LCOR: variants seen among roughly 807,000 people sequenced by gnomAD.
LCOR encodes ligand-dependent corepressor.
A neutral mutation model predicts 64.4 loss-of-function variants in LCOR; 14 were observed. The observed-to-expected ratio is 0.22, with a 90% CI of 0.14 to 0.34. The LOEUF (loss-of-function observed/expected upper bound fraction) is 0.34. Among genes scored for constraint, LCOR ranks in the 10% least tolerant of loss-of-function variants. The pLI is 1.00. For synonymous variants in LCOR, 643 were observed against 642.5 expected, an observed-to-expected ratio of 1.00 and a Z score of -0.01; for missense variants, 1,686 against 1,765.3, an observed-to-expected ratio of 0.96 and a Z score of 0.80.
intron 2 of LCOR, among the ~76,000 whole-genome samples, chr10:96,863,213 T>TA (rs745812765): frequency 6.7e-4 from 101 of 149,868 alleles, no homozygotes; most frequent in Non-Finnish European, 1.2e-3. Context: ...TCTGTTTTTT[T>TA]TTTTTTTTGT....
chr10:96,850,161 A>C (rs949089504), intron 2 of LCOR, among the ~76,000 whole-genome samples: 1 of 152,332 alleles, frequency 6.6e-6, no homozygotes, highest in East Asian at 1.9e-4. Flanking sequence ...AAAGCACTGC[A>C]TGAAGCTGAA....
At chr10:96,847,378 T>A (rs1845647568) in intron 2 of LCOR, among the ~76,000 whole-genome samples, 1 of 151,438 alleles carries the variant, frequency 6.6e-6, no homozygotes, top group Non-Finnish European at 1.5e-5. Context: ...ACGGTAACAG[T>A]CCTGAATGAG....
At chr10:96,966,805 G>A (rs1847955305) in intron 7 of LCOR, among the ~76,000 whole-genome samples, 1 of 152,138 alleles carries the variant, frequency 6.6e-6, no homozygotes, top group Non-Finnish European at 1.5e-5. Flanking sequence ...GCATGATCAC[G>A]GTTCACTGCA....
intron 2 of LCOR, among the ~76,000 whole-genome samples, chr10:96,897,121 A>G (rs1846553116): frequency 6.7e-6 from 1 of 149,288 alleles, no homozygotes; most frequent in Admixed American, 6.7e-5. Context: ...AAAAAAACCC[A>G]AAAGAATGCT....
intron 1 of LCOR, 128 bp downstream of exon 1, chr10:96,832,527 C>T (rs1214860836): frequency 2.0e-5 from 4 of 198,910 alleles, no homozygotes; most frequent in Non-Finnish European, 3.6e-5. Flanking sequence ...CTCGAGCGTC[C>T]CCCCTTCCCC....
chr10:96,957,302 C>T (rs866724478), intron 7 of LCOR: 6 of 985,024 alleles, frequency 6.1e-6, no homozygotes, highest in Middle Eastern at 5.2e-4. Context: ...CAGTTCAGGA[C>T]CTTTGAGATC....
intron 7 of LCOR, chr10:96,964,075 A>G (rs966045799): frequency 1.3e-5 from 2 of 152,118 alleles, no homozygotes; most frequent in African/African-American, 4.8e-5. Context: ...GTTCCTTGCT[A>G]TGATCAATGT....
intron 2 of LCOR, among the ~76,000 whole-genome samples, chr10:96,839,315 A>G (rs1845498468): frequency 6.6e-6 from 1 of 152,242 alleles, no homozygotes; most frequent in Non-Finnish European, 1.5e-5. Context: ...AAGAACAAAT[A>G]CAGATCAATA....
intron 2 of LCOR, among the ~76,000 whole-genome samples, chr10:96,897,454 T>C (rs1278595096): frequency 2.0e-5 from 3 of 152,234 alleles, no homozygotes; most frequent in Admixed American, 1.3e-4. Flanking sequence ...TAAGCATGAT[T>C]AACCTAGACA....
intron 2 of LCOR, among the ~76,000 whole-genome samples, chr10:96,842,091 C>T (rs1845551536): frequency 6.6e-6 from 1 of 152,000 alleles, no homozygotes; most frequent in Admixed American, 6.6e-5. Flanking sequence ...CTTTCCTAAA[C>T]TCACAGTATA....
chr10:96,911,979 T>G lies in LCOR; in HGVS notation c.-184+4232T>G, dbSNP rs1477582172. On this transcript the variant is annotated intron_variant, in intron 4 of 7. Coordinates refer to ENST00000421806, the MANE Select transcript of LCOR (RefSeq NM_001346516.2). Reference sequence around the variant, plus strand: ...GATGGAGTCTCACTGTTGCGCAGGCTGCAGTACAGAGGCATGATCTCGGCT... The same window carrying G: ...GATGGAGTCTCACTGTTGCGCAGGCGGCAGTACAGAGGCATGATCTCGGCT... Among the ~76,000 whole-genome samples the G allele has an allele frequency of 2.0e-5, 3 of 150,900 alleles. No individual in the cohort carries two copies. In the East Asian group the frequency reaches 5.8e-4, roughly 29 times the overall value.
intron 7 of LCOR, among the ~76,000 whole-genome samples, chr10:96,970,644 T>TTTTA (rs1242395318): frequency 2.4e-3 from 353 of 148,806 alleles, no homozygotes; most frequent in African/African-American, 7.8e-3. Context: ...TTTTATTTTA[T>TTTTA]TTTATTTTAT....
chr10:96,872,653 C>G (rs1846091165), intron 2 of LCOR, among the ~76,000 whole-genome samples: 1 of 152,078 alleles, frequency 6.6e-6, no homozygotes, highest in Non-Finnish European at 1.5e-5. Context: ...CCACTGCACT[C>G]CAGCATAAGA....
chr10:96,973,818 T>G (rs908769302), intron 7 of LCOR, among the ~76,000 whole-genome samples: 3 of 152,248 alleles, frequency 2.0e-5, no homozygotes, highest in African/African-American at 7.2e-5. Flanking sequence ...ATCAGTGATA[T>G]TGCCTTTGCT....
chr10:96,977,605 A>G (rs1848049131), intron 7 of LCOR, among the ~76,000 whole-genome samples: 1 of 152,236 alleles, frequency 6.6e-6, no homozygotes, highest in South Asian at 2.1e-4. Flanking sequence ...AACTTTATCC[A>G]GAAAATGTAC....
At chr10:96,903,691 T>C (rs1339386345) in intron 2 of LCOR, among the ~76,000 whole-genome samples, 1 of 152,224 alleles carries the variant, frequency 6.6e-6, no homozygotes, top group African/African-American at 2.4e-5. Context: ...TTACTTTTTA[T>C]AACCTGTTTT....
chr10:96,949,567 T>C (rs1847643201), intron 6 of LCOR, among the ~76,000 whole-genome samples: 1 of 152,216 alleles, frequency 6.6e-6, no homozygotes, highest in Non-Finnish European at 1.5e-5. Context: ...TTGATATTTA[T>C]ATAAGCATTT....
At position 96,985,304 on chromosome 10, in the gene LCOR, C is replaced by A; in HGVS notation, c.*170C>A. 1.3e-6 allele frequency: 1 copy of A among 763,628 alleles called. No individual in the cohort carries two copies. The highest frequency in any genetic ancestry group is 1.9e-6 in the Non-Finnish European group (1 of 513,386). The allele number at this position is 763,628 out of a possible 1,614,324, so 47.3% of individuals were successfully genotyped here. On this transcript the variant is annotated 3_prime_UTR_variant, in exon 8 of 8. Coordinates refer to ENST00000421806, the MANE Select transcript of LCOR (RefSeq NM_001346516.2). ...CATCTCAGATGGAGAAGGGAACTTG[C>A]AGAGTCCTTCTCTGAGGCTAAGGGA...
Position 96,876,004 on chromosome 10 carries a change from C to T in LCOR, c.-329-31261C>T, listed in dbSNP as rs557325867. Among the ~76,000 whole-genome samples, 3 of 148,918 alleles carry T rather than the reference C, an allele frequency of 2.0e-5. No individual in the cohort carries two copies. The East Asian group carries it at 5.9e-4, about 29-fold the overall frequency. ...TAATTATATCTAGCTGGGTCAGAGACTTAAACATTAAAAAAAAAAAAAAGT... is the reference window on the plus strand; with the variant it reads ...TAATTATATCTAGCTGGGTCAGAGATTTAAACATTAAAAAAAAAAAAAAGT... On this transcript the variant is annotated intron_variant, in intron 2 of 7. Coordinates refer to ENST00000421806, the MANE Select transcript of LCOR (RefSeq NM_001346516.2).
Sources: allele counts gnomAD v4.1 joint callset (sites outside exome capture counted in the v4.1 genomes callset), GRCh38; gene constraint gnomAD v4.1.1; transcripts MANE v1.5; gene names NCBI Gene and HGNC (gene_info 2026-07-23, HGNC 2026-07-21).